The following LIMS2 variants were observed in gnomAD, a reference collection of about 807,000 sequenced individuals.
The protein encoded by LIMS2 is LIM zinc finger domain containing 2, also known as LIM and senescent cell antigen-like-containing domain protein 2.
LIMS2 carries 30 observed loss-of-function variants against 45.3 expected under a neutral mutation model. That is an observed-to-expected ratio of 0.66 (90% confidence interval 0.50 to 0.90). The LOEUF is 0.90. Ranked by LOEUF, LIMS2 falls within the 40% of genes least tolerant of loss-of-function variation. The pLI, the probability that LIMS2 is intolerant of heterozygous loss-of-function variation, is 0.00. For synonymous variants in LIMS2, 173 were observed against 188.0 expected, an observed-to-expected ratio of 0.92 and a Z score of 0.65; for missense variants, 485 against 468.7, an observed-to-expected ratio of 1.03 and a Z score of -0.32.
At chr2:127,668,356 T>A (rs945529469) in intron 1 of LIMS2, among the ~76,000 whole-genome samples, 1 of 151,618 alleles carries the variant, frequency 6.6e-6, no homozygotes, top group Non-Finnish European at 1.5e-5. Flanking sequence ...TGACACAGAA[T>A]AATCAAAACA....
intron 4 of LIMS2, chr2:127,648,304 G>T: frequency 1.9e-6 from 1 of 521,870 alleles, no homozygotes; most frequent in Non-Finnish European, 2.5e-6. Context: ...AACCTGCCTA[G>T]AGAAATAGCT....
At chr2:127,649,494 G>A (rs780665852) in intron 4 of LIMS2, among the ~76,000 whole-genome samples, 7 of 152,218 alleles carry the variant, frequency 4.6e-5, no homozygotes, top group South Asian at 4.1e-4. Context: ...CCACCTGGCC[G>A]AAGCCCGCTG....
At chr2:127,676,407 C>CTT (rs10677718), upstream of LIMS2, among the ~76,000 whole-genome samples, 9,034 of 115,716 alleles carry the variant, frequency 0.078, 773 homozygotes, top group South Asian at 0.19. Flanking sequence ...GCAGTTGTTA[C>CTT]TTTTTTTTTT....
intron 4 of LIMS2, chr2:127,651,781 G>A (rs372718166): frequency 2.8e-5 from 45 of 1,601,624 alleles, no homozygotes; most frequent in South Asian, 1.8e-4. Context: ...CAGGCCGAGC[G>A]CAGACTGTTT....
rs775140186 is a variant in LIMS2, at chr2:127,657,419, T to C, written c.155A>G (p.Glu52Gly). Residue 52 changes from glutamate to glycine, a missense_variant, in exon 2 of 10, where the codon GAG (glutamate) becomes GGG (glycine). Transcript: ENST00000355119. ...TGTCCTCACCTCATAGAAGAGCCCCTCGGGGAAGGGCCGGAAGCACTGGGC... is the reference window on the plus strand; with the variant it reads ...TGTCCTCACCTCATAGAAGAGCCCCCCGGGGAAGGGCCGGAAGCACTGGGC... ...VCAQCFRPFPEGLFYEFEGRK... is the reference protein window; with the variant it reads ...VCAQCFRPFPGGLFYEFEGRK... 3.2e-5 allele frequency: 52 copies of C among 1,613,672 alleles called. No homozygotes were observed. Among genetic ancestry groups the C allele is most frequent in the Non-Finnish European group, 4.2e-5 (49 of 1,179,988 alleles).
chr2:127,650,428 C>T (rs938681827), intron 4 of LIMS2: 9 of 540,094 alleles, frequency 1.7e-5, no homozygotes, highest in African/African-American at 1.5e-4. Context: ...CTGACCCGGT[C>T]CTCCCAGCTC....
intron 1 of LIMS2, among the ~76,000 whole-genome samples, chr2:127,665,315 C>T (rs116478677): frequency 0.046 from 7,037 of 152,148 alleles, 232 homozygotes; most frequent in African/African-American, 0.075. Flanking sequence ...AGCTGGCAGC[C>T]GTCACTAAAG....
Position 127,672,235 on chromosome 2 carries a change from G to C in LIMS2, c.11+2779C>G, listed in dbSNP as rs145817615. Among the ~76,000 whole-genome samples the C allele has an allele frequency of 6.6e-6, 1 of 152,314 alleles. No homozygotes were observed. Among genetic ancestry groups the C allele is most frequent in the East Asian group, 1.9e-4 (1 of 5,178 alleles). The stretch of plus-strand genomic sequence containing the variant: ...AGGTGGCCTTAATATCCTCCCTGTA[G>C]AACAATGGTGATGCCAGAGGTCCCT... On this transcript the variant is annotated intron_variant, in intron 1 of 9. Coordinates refer to ENST00000355119, the MANE Select transcript of LIMS2 (RefSeq NM_001161403.3). This position sits in a 1 kb window ranked among gnomAD's most constrained non-coding sequence, Gnocchi z 4.9.
intron 6 of LIMS2, 115 bp downstream of exon 6, chr2:127,641,934 G>A: frequency 7.9e-7 from 1 of 1,263,648 alleles, no homozygotes; most frequent in Non-Finnish European, 1.1e-6. Flanking sequence ...GGGCCTCGTT[G>A]GGAGCCAGCC....
At position 127,664,402 on chromosome 2, in the gene LIMS2, C is replaced by T. The variant is rs1265842025; in HGVS notation, c.12-6840G>A. On this transcript the variant is annotated intron_variant, in intron 1 of 9. Coordinates refer to ENST00000355119, the MANE Select transcript of LIMS2 (RefSeq NM_001161403.3). The surrounding 1 kb of genome is among the most constrained non-coding windows in gnomAD (Gnocchi z 5.5). ...CCGGGCCGCCATGGCGCGGGGCAGCCGCCTTGAGGTCGCGGGCGCGGGCCG... is the reference window on the plus strand; with the variant it reads ...CCGGGCCGCCATGGCGCGGGGCAGCTGCCTTGAGGTCGCGGGCGCGGGCCG... 1.7e-6 allele frequency: 2 copies of T among 1,201,220 alleles called. No individual in the cohort carries two copies. The highest frequency in any genetic ancestry group is 2.1e-6 in the Non-Finnish European group (2 of 968,342). 74.4% of individuals were successfully genotyped at this position (1,201,220 alleles called of 1,614,324 possible).
rs1428433081 is a variant in LIMS2, at chr2:127,647,358, C to T, written c.360-4286G>A. Among the ~76,000 whole-genome samples, 2 of 152,184 alleles carry T rather than the reference C, an allele frequency of 1.3e-5. No individual in the cohort carries two copies. The highest frequency in any genetic ancestry group is 1.5e-5 in the Non-Finnish European group (1 of 68,020). Reference sequence around the variant, plus strand: ...GAGACCGTTTCCCCGGTCTCACTTCCAGCTCCAGGGCCAATGTCCCCTGGT... The same window carrying T: ...GAGACCGTTTCCCCGGTCTCACTTCTAGCTCCAGGGCCAATGTCCCCTGGT... On this transcript the variant is annotated intron_variant, in intron 4 of 9. Transcript: ENST00000355119. This position sits in a 1 kb window ranked among gnomAD's most constrained non-coding sequence, Gnocchi z 4.3.
At chr2:127,651,722 C>T (rs754033416) in intron 4 of LIMS2, 19 of 1,612,784 alleles carry the variant, frequency 1.2e-5, no homozygotes, top group Middle Eastern at 1.6e-4. Context: ...GGAAAACCAA[C>T]GAGAGCTCGC....
upstream of LIMS2, among the ~76,000 whole-genome samples, chr2:127,677,472 A>G (rs557970740): frequency 4.5e-4 from 69 of 152,320 alleles, no homozygotes; most frequent in African/African-American, 1.6e-3. The surrounding 1 kb of genome is among the most constrained non-coding windows in gnomAD (Gnocchi z 5.0). Flanking sequence ...TAAGGGAAAG[A>G]GCCAGCCCTC....
Position 127,675,033 on chromosome 2 carries a change from C to T in LIMS2, c.-9G>A, listed in dbSNP as rs1377900660. On this transcript the variant is annotated 5_prime_UTR_variant, in exon 1 of 10. Coordinates refer to ENST00000355119, the MANE Select transcript of LIMS2 (RefSeq NM_001161403.3). ...CGTTACCTTCCCGTCATGGTGGCAG[C>T]GACGCCGAGCCCTGGGTTGCCGGGG... 1.6e-6 allele frequency: 2 copies of T among 1,229,460 alleles called. No individual in the cohort carries two copies. Among genetic ancestry groups the T allele is most frequent in the Non-Finnish European group, 2.0e-6 (2 of 985,338 alleles). The allele number at this position is 1,229,460 out of a possible 1,614,324, so 76.2% of individuals were successfully genotyped here. A position where few individuals can be genotyped will look rare whatever the true frequency, so the allele number is the denominator to read the frequency against.
rs908168911 is a variant in LIMS2 at position 127,647,613 on chromosome 2, C to G, written c.360-4541G>C. On this transcript the variant is annotated intron_variant, in intron 4 of 9. Coordinates refer to ENST00000355119, the MANE Select transcript of LIMS2 (RefSeq NM_001161403.3). This position sits in a 1 kb window ranked among gnomAD's most constrained non-coding sequence, Gnocchi z 4.3. ...GAGGGCACCCACCTTGGCCCCTTCC[C>G]ACCCCCAGGTTCTAACAAGGGCCCC... is the stretch of plus-strand genomic sequence containing the variant. Among the ~76,000 whole-genome samples, 2 of 152,214 alleles carry G rather than the reference C, an allele frequency of 1.3e-5. 1 individual carries two copies. The highest frequency in any genetic ancestry group is 4.1e-4 in the South Asian group (2 of 4,824).
upstream of LIMS2, among the ~76,000 whole-genome samples, chr2:127,679,709 G>A (rs942898739): frequency 6.6e-6 from 1 of 152,124 alleles, no homozygotes; most frequent in African/African-American, 2.4e-5. This position sits in a 1 kb window ranked among gnomAD's most constrained non-coding sequence, Gnocchi z 5.3. Flanking sequence ...AGAGGGGCTG[G>A]GCTTGGTCAG....
chr2:127,648,963 A>G (rs1270916401), intron 4 of LIMS2, among the ~76,000 whole-genome samples: 6 of 12,518 alleles, frequency 4.8e-4, no homozygotes, highest in Admixed American at 2.1e-3. Flanking sequence ...AGGGGAGGGG[A>G]GGGGGGGAGG....
At chr2:127,681,605 C>G (rs1224958139) in exon 1 of LIMS2, 1 of 152,298 alleles carries the variant, frequency 6.6e-6, no homozygotes, top group Non-Finnish European at 1.5e-5. Context: ...GGCGGCCTCC[C>G]CAGGGAGGTG....
At chr2:127,663,680 T>C (rs1299370972) in intron 1 of LIMS2, among the ~76,000 whole-genome samples, 3 of 140,490 alleles carry the variant, frequency 2.1e-5, no homozygotes, top group Non-Finnish European at 4.7e-5. Context: ...AGGGTCCCTA[T>C]CTGTCACCTT....
Sources: allele counts gnomAD v4.1 joint callset (sites outside exome capture counted in the v4.1 genomes callset), GRCh38; gene constraint gnomAD v4.1.1; non-coding constraint Gnocchi (gnomAD v3.1); transcripts MANE v1.5; gene names NCBI Gene and HGNC (gene_info 2026-07-23, HGNC 2026-07-21).